The following ADAMTS12 variants were observed in gnomAD, a reference collection of about 807,000 sequenced individuals.
The protein encoded by ADAMTS12 is ADAM metallopeptidase with thrombospondin type 1 motif 12.
A neutral mutation model predicts 167.8 loss-of-function variants in ADAMTS12; 118 were observed. That is an observed-to-expected ratio of 0.70 (90% CI 0.61 to 0.82). The LOEUF is 0.82. Ranked by LOEUF, ADAMTS12 falls within the 40% of genes least tolerant of loss-of-function variation. ADAMTS12 has a pLI of 0.00. For missense variants in ADAMTS12, 1,916 were observed against 1,998.8 expected (o/e 0.96, Z 0.79); for synonymous variants, 704 against 716.9 (o/e 0.98, Z 0.29).
At chr5:33,867,650 C>A (rs1270088306) in intron 2 of ADAMTS12, among the ~76,000 whole-genome samples, 1 of 152,114 alleles carries the variant, frequency 6.6e-6, no homozygotes. Flanking sequence ...AACACACACA[C>A]ACATATATAA....
chr5:33,618,253 T>G (rs570505717), intron 14 of ADAMTS12, among the ~76,000 whole-genome samples: 1 of 152,324 alleles, frequency 6.6e-6, no homozygotes, highest in African/African-American at 2.4e-5. Context: ...GTTGTCTTCA[T>G]GTTGAGTAGG....
chr5:33,597,757 A>T (rs932659240), intron 16 of ADAMTS12, among the ~76,000 whole-genome samples: 1 of 152,144 alleles, frequency 6.6e-6, no homozygotes, highest in African/African-American at 2.4e-5. Context: ...CCCAACTAAC[A>T]GATGTCGGTG....
At chr5:33,565,673 T>G (rs991450879) in intron 19 of ADAMTS12, among the ~76,000 whole-genome samples, 4 of 100,488 alleles carry the variant, frequency 4.0e-5, no homozygotes, top group African/African-American at 2.0e-4. Context: ...GTTTTTTGTT[T>G]GTTTTTTTTT....
At chr5:33,767,131 C>T (rs1450572907) in intron 2 of ADAMTS12, among the ~76,000 whole-genome samples, 1 of 151,942 alleles carries the variant, frequency 6.6e-6, no homozygotes, top group Non-Finnish European at 1.5e-5. Flanking sequence ...ACATTTTTAA[C>T]GACATGGAAA....
intron 1 of ADAMTS12, among the ~76,000 whole-genome samples, chr5:33,887,706 T>C (rs1750684762): frequency 6.6e-6 from 1 of 152,066 alleles, no homozygotes; most frequent in Non-Finnish European, 1.5e-5. Context: ...GGTAAGAGAA[T>C]ATTTACCTAC....
chr5:33,630,848 C>G lies in ADAMTS12; in HGVS notation c.1954G>C (p.Val652Leu). ...TCAAAGCAAGGGGTACCATCAATGA[C>G]AGCATCCAGCATTTTCTCAGAAAAC... ...GQFSEKMLDA[V>L]IDGTPCFEGG... The change falls in exon 13 of 24, where the codon GTC (valine) becomes CTC (leucine). Residue 652 changes from valine to leucine, a missense_variant. Val to Leu is a conservative substitution (Grantham distance 32). Coordinates refer to ENST00000504830, the MANE Select transcript of ADAMTS12 (RefSeq NM_030955.4). 3 of 1,613,726 alleles carry G rather than the reference C, an allele frequency of 1.9e-6. No homozygotes were observed. The highest frequency in any genetic ancestry group is 1.7e-6 in the Non-Finnish European group (2 of 1,179,712).
chr5:33,589,392 G>A (rs1166755342), intron 17 of ADAMTS12, among the ~76,000 whole-genome samples: 4 of 152,160 alleles, frequency 2.6e-5, no homozygotes, highest in Non-Finnish European at 4.4e-5. Flanking sequence ...TTTAGGAGGC[G>A]ATCAATCAGG....
chr5:33,619,687 ATATT>A (rs1375686002), intron 14 of ADAMTS12, among the ~76,000 whole-genome samples: 2 of 149,726 alleles, frequency 1.3e-5, no homozygotes, highest in African/African-American at 2.5e-5. Context: ...ATGTATGTAT[ATATT>A]TATTTATTTA....
intron 2 of ADAMTS12, among the ~76,000 whole-genome samples, chr5:33,861,240 T>C (rs1339379269): frequency 6.6e-6 from 1 of 152,084 alleles, no homozygotes; most frequent in Admixed American, 6.5e-5. Flanking sequence ...GACTGGCAAA[T>C]TGGATAGAGT....
At chr5:33,559,031 C>T (rs1745612982) in intron 20 of ADAMTS12, among the ~76,000 whole-genome samples, 1 of 152,196 alleles carries the variant, frequency 6.6e-6, no homozygotes, top group African/African-American at 2.4e-5. Flanking sequence ...GACCGACCAT[C>T]AGACAGTAGC....
intron 2 of ADAMTS12, among the ~76,000 whole-genome samples, chr5:33,761,344 C>A (rs1209036376): frequency 6.6e-6 from 1 of 152,218 alleles, no homozygotes; most frequent in Non-Finnish European, 1.5e-5. Flanking sequence ...TGTGGCCACA[C>A]GGTGACCATC....
At chr5:33,584,544 C>A (rs1747237052) in intron 18 of ADAMTS12, among the ~76,000 whole-genome samples, 1 of 152,170 alleles carries the variant, frequency 6.6e-6, no homozygotes, top group South Asian at 2.1e-4. Context: ...ACTGATTGAA[C>A]AAGGTTTGCA....
rs141704879 is a variant in ADAMTS12 at position 33,608,905 on chromosome 5, G to A, written c.2527+5333C>T. 3.3e-3 allele frequency among the ~76,000 whole-genome samples: 496 copies of A among 152,244 alleles called. 2 individuals carry two copies. The highest frequency in any genetic ancestry group is 0.011 in the African/African-American group (466 of 41,526). ...CTAGAAACAGATGTTCCAGCTACTA[G>A]GATGCGCGCATATTTAACCTGAATT... is the stretch of plus-strand genomic sequence containing the variant. On this transcript the variant is annotated intron_variant, in intron 16 of 23. Coordinates refer to ENST00000504830, the MANE Select transcript of ADAMTS12 (RefSeq NM_030955.4).
At chr5:33,792,384 G>T (rs774357304) in intron 2 of ADAMTS12, among the ~76,000 whole-genome samples, 1 of 152,194 alleles carries the variant, frequency 6.6e-6, no homozygotes, top group African/African-American at 2.4e-5. Flanking sequence ...TGCATGTCAC[G>T]TAACTGGCTC....
At chr5:33,725,872 T>G (rs1743963690) in intron 3 of ADAMTS12, among the ~76,000 whole-genome samples, 2 of 152,186 alleles carry the variant, frequency 1.3e-5, no homozygotes. Flanking sequence ...AGGACTCAAG[T>G]GGGGACAACA....
In ADAMTS12 at chr5:33,891,963, G is replaced by A; in HGVS notation, c.-107C>T. ...AGGAAGATGCAGGGGTGCATGGTCA[G>A]GCGCGAGAAGGCAGCGACTGCAAAG... On this transcript the variant is annotated 5_prime_UTR_variant, in exon 1 of 24. Coordinates refer to ENST00000504830, the MANE Select transcript of ADAMTS12 (RefSeq NM_030955.4). 7.1e-7 allele frequency: 1 copy of A among 1,412,254 alleles called. No homozygotes were observed. Among genetic ancestry groups the A allele is most frequent in the Non-Finnish European group, 9.5e-7 (1 of 1,048,238 alleles). The allele number at this position is 1,412,254 out of a possible 1,614,324, so 87.5% of individuals were successfully genotyped here.
At chr5:33,554,305 G>A (rs1228094506) in intron 20 of ADAMTS12, among the ~76,000 whole-genome samples, 3 of 152,184 alleles carry the variant, frequency 2.0e-5, no homozygotes, top group Non-Finnish European at 4.4e-5. Flanking sequence ...CTAGAGCAGG[G>A]GGTAGGGGTA....
chr5:33,646,737 TA>T (rs35403668), intron 9 of ADAMTS12, among the ~76,000 whole-genome samples: 2 of 30,264 alleles, frequency 6.6e-5, no homozygotes, highest in African/African-American at 1.4e-4. Context: ...CGTAATATGT[TA>T]AAAAAACCCC....
chr5:33,682,088 G>T (rs1742140875), intron 5 of ADAMTS12, among the ~76,000 whole-genome samples: 1 of 152,198 alleles, frequency 6.6e-6, no homozygotes, highest in Non-Finnish European at 1.5e-5. Context: ...CACTGCAGTA[G>T]CCTATGCAAG....
Sources: allele counts gnomAD v4.1 joint callset (sites outside exome capture counted in the v4.1 genomes callset), GRCh38; gene constraint gnomAD v4.1.1; transcripts MANE v1.5; gene names NCBI Gene and HGNC (gene_info 2026-07-23, HGNC 2026-07-21).